Variants in ROBO2 observed in about 807,000 individuals in gnomAD.
The protein encoded by ROBO2 is roundabout homolog 2.
ROBO2 carries 53 observed loss-of-function variants against 160.8 expected under a neutral mutation model. That is an observed-to-expected ratio of 0.33 (90% CI 0.26 to 0.41). The LOEUF (loss-of-function observed/expected upper bound fraction) is 0.41. Ranked by LOEUF, ROBO2 falls within the 10% of genes least tolerant of loss-of-function variation. The pLI is 1.00. For missense variants in ROBO2, 1,577 were observed against 1,722.4 expected (o/e 0.92, Z 1.49); for synonymous variants, 664 against 611.7 (o/e 1.09, Z -1.26).
At chr3:76,666,409 G>A (rs942438398) in intron 2 of ROBO2, among the ~76,000 whole-genome samples, 1 of 152,024 alleles carries the variant, frequency 6.6e-6, no homozygotes, top group Non-Finnish European at 1.5e-5. Flanking sequence ...CTTATTTCAA[G>A]TATAACTTGG....
chr3:76,046,517 C>CG (rs548575886), intron 2 of ROBO2, among the ~76,000 whole-genome samples: 4,192 of 151,880 alleles, frequency 0.028, 267 homozygotes, highest in African/African-American at 0.096. Flanking sequence ...GGCGTGGTGG[C>CG]AGCGCCTGCA....
At chr3:77,087,155 T>C (rs1340414914) in intron 1 of ROBO2, among the ~76,000 whole-genome samples, 1 of 152,162 alleles carries the variant, frequency 6.6e-6, no homozygotes, top group East Asian at 1.9e-4. Flanking sequence ...GTCAAAATGA[T>C]ATCACTCCAT....
intron 2 of ROBO2, among the ~76,000 whole-genome samples, chr3:76,171,688 T>A (rs2073046498): frequency 6.6e-6 from 1 of 151,190 alleles, no homozygotes; most frequent in South Asian, 2.1e-4. Context: ...AAAAGAAAAA[T>A]CCCTTTTTTT....
At chr3:76,735,836 C>T (rs1359207747) in intron 2 of ROBO2, among the ~76,000 whole-genome samples, 1 of 149,146 alleles carries the variant, frequency 6.7e-6, no homozygotes, top group Non-Finnish European at 1.5e-5. Flanking sequence ...CCTTTGAGTA[C>T]TATGCTCACT....
chr3:76,379,404 GTCTT>G (rs1197934975), intron 2 of ROBO2, among the ~76,000 whole-genome samples: 1 of 152,016 alleles, frequency 6.6e-6, no homozygotes, highest in Non-Finnish European at 1.5e-5. Context: ...ATATAAAAGT[GTCTT>G]TCTATGTAGA....
intron 17 of ROBO2, among the ~76,000 whole-genome samples, chr3:77,594,102 C>T (rs1235734707): frequency 2.0e-5 from 3 of 152,074 alleles, no homozygotes; most frequent in African/African-American, 4.8e-5. Flanking sequence ...AAATAATTTT[C>T]TAGTTAACTA....
At chr3:76,187,956 A>G (rs1243963844) in intron 2 of ROBO2, among the ~76,000 whole-genome samples, 1 of 152,118 alleles carries the variant, frequency 6.6e-6, no homozygotes, top group Non-Finnish European at 1.5e-5. Context: ...AATAATATGG[A>G]CACTACATAA....
At chr3:77,452,749 G>A (rs968525011) in intron 2 of ROBO2, among the ~76,000 whole-genome samples, 1 of 151,548 alleles carries the variant, frequency 6.6e-6, no homozygotes, top group Non-Finnish European at 1.5e-5. Flanking sequence ...GTGATATTTT[G>A]TGTCCTAAAA....
At chr3:76,395,605 A>C (rs1405280913) in intron 2 of ROBO2, among the ~76,000 whole-genome samples, 1 of 152,004 alleles carries the variant, frequency 6.6e-6, no homozygotes, top group African/African-American at 2.4e-5. Context: ...AGAGAGAAGA[A>C]TCAAATAGAC....
At chr3:77,169,346 TC>T (rs1309556585) in intron 2 of ROBO2, among the ~76,000 whole-genome samples, 3 of 152,170 alleles carry the variant, frequency 2.0e-5, no homozygotes, top group African/African-American at 7.2e-5. Context: ...ATTTTTGTCT[TC>T]AAATTTGTCA....
chr3:77,355,573 A>G (rs1453471255), intron 2 of ROBO2, among the ~76,000 whole-genome samples: 3 of 152,160 alleles, frequency 2.0e-5, no homozygotes, highest in African/African-American at 7.2e-5. Flanking sequence ...GTGAAGGCTT[A>G]TCTATCATGA....
At chr3:76,567,632 T>C (rs1178863986) in intron 2 of ROBO2, among the ~76,000 whole-genome samples, 2 of 79,118 alleles carry the variant, frequency 2.5e-5, no homozygotes, top group Non-Finnish European at 5.2e-5. Flanking sequence ...TATATATATA[T>C]ATATATATAT....
chr3:76,804,133 A>G (rs1256989963), intron 2 of ROBO2, among the ~76,000 whole-genome samples: 1 of 152,124 alleles, frequency 6.6e-6, no homozygotes, highest in East Asian at 1.9e-4. Context: ...TCTCTTAGGG[A>G]GAGAATAAAA....
At chr3:77,286,005 G>A (rs2153379173) in intron 2 of ROBO2, among the ~76,000 whole-genome samples, 1 of 152,108 alleles carries the variant, frequency 6.6e-6, no homozygotes, top group Admixed American at 6.6e-5. Context: ...CTAACCTTTA[G>A]GAAACCCATT....
At chr3:77,247,726 G>A (rs762915690) in intron 2 of ROBO2, among the ~76,000 whole-genome samples, 6 of 152,006 alleles carry the variant, frequency 3.9e-5, no homozygotes, top group Non-Finnish European at 8.8e-5. Flanking sequence ...TCATTCTTGC[G>A]GACCATTTCC....
intron 2 of ROBO2, among the ~76,000 whole-genome samples, chr3:76,478,726 G>A (rs1040738879): frequency 5.8e-5 from 8 of 138,912 alleles, no homozygotes; most frequent in Non-Finnish European, 7.5e-5. Flanking sequence ...CTCTCAGCTC[G>A]GCTAGAGTGC....
chr3:76,099,974 T>A (rs1207101810), intron 2 of ROBO2, among the ~76,000 whole-genome samples: 1 of 152,222 alleles, frequency 6.6e-6, no homozygotes, highest in African/African-American at 2.4e-5. Flanking sequence ...TAGATAATGA[T>A]TCTTATTTTG....
At chr3:77,066,933 T>C (rs1258290456) in intron 1 of ROBO2, among the ~76,000 whole-genome samples, 1 of 151,926 alleles carries the variant, frequency 6.6e-6, no homozygotes, top group Non-Finnish European at 1.5e-5. Flanking sequence ...CTTCATTTGC[T>C]TTTAGTTTAA....
At chr3:76,505,983 T>C (rs2080775534) in intron 2 of ROBO2, among the ~76,000 whole-genome samples, 1 of 152,084 alleles carries the variant, frequency 6.6e-6, no homozygotes, top group African/African-American at 2.4e-5. Context: ...AAACAGAAAC[T>C]CCATTTTGAA....
Sources: gnomAD v4.1 joint callset for allele counts (sites outside exome capture counted in the v4.1 genomes callset) on GRCh38, gnomAD v4.1.1 for gene constraint, MANE v1.5 for transcripts, NCBI Gene and HGNC (gene_info 2026-07-23, HGNC 2026-07-21) for gene names.